CEP350: variants seen among roughly 807,000 people sequenced by gnomAD.
The protein encoded by CEP350 is centrosomal protein 350, also known as centrosome-associated protein 350.
Under a neutral mutation model 331.8 loss-of-function variants are expected in CEP350, and 126 were observed. The ratio of observed to expected loss-of-function variants is 0.38; its 90% CI spans 0.33 to 0.44. The LOEUF (loss-of-function observed/expected upper bound fraction) is 0.44, where lower values mean the gene tolerates loss of function less well. Among genes scored for constraint, CEP350 ranks in the 20% least tolerant of loss-of-function variants. CEP350 has a pLI of 1.00. For missense variants in CEP350, 3,406 were observed against 3,634.6 expected, an observed-to-expected ratio of 0.94 and a Z score of 1.62; for synonymous variants, 1,200 against 1,259.5, an observed-to-expected ratio of 0.95 and a Z score of 1.00.
At chr1:179,959,310 G>A (rs980993136) in intron 1 of CEP350, among the ~76,000 whole-genome samples, 7 of 152,206 alleles carry the variant, frequency 4.6e-5, no homozygotes, top group African/African-American at 1.7e-4. Context: ...ACGAAAACTA[G>A]CAAGGCGTGG....
chr1:180,023,625 T>G (rs1655481701), intron 13 of CEP350, among the ~76,000 whole-genome samples: 1 of 152,222 alleles, frequency 6.6e-6, no homozygotes, highest in African/African-American at 2.4e-5. Flanking sequence ...GGACTTTACC[T>G]GTATTAACTC....
rs1653193541 is a variant in CEP350 at position 179,992,861 on chromosome 1, CT to C, written c.395+642del. 2.0e-5 allele frequency among the ~76,000 whole-genome samples: 3 copies of C among 152,190 alleles called. No homozygotes were observed. In the South Asian group the frequency reaches 6.2e-4, roughly 32 times the overall value. On this transcript the variant is annotated intron_variant, in intron 5 of 37. Coordinates refer to ENST00000367607, the MANE Select transcript of CEP350 (RefSeq NM_014810.5). ...CTAATGATTTCAGTGCATTCATGCT[CT>C]TATAATAAGTAATAAACACTGGGCC...
At chr1:180,069,842 G>A (rs1216795751) in intron 27 of CEP350, among the ~76,000 whole-genome samples, 1 of 152,098 alleles carries the variant, frequency 6.6e-6, no homozygotes, top group Non-Finnish European at 1.5e-5. Context: ...AACCCAGAAG[G>A]AATAAAATGA....
chr1:179,977,667 T>C (rs1441857138), intron 1 of CEP350, among the ~76,000 whole-genome samples: 1 of 152,306 alleles, frequency 6.6e-6, no homozygotes, highest in East Asian at 1.9e-4. Context: ...TACTGAAGGC[T>C]TAGGACATTA....
chr1:180,012,058 AAAGAACTGCTAAATCTGGTAAGTAGCT>A lies in CEP350; in HGVS notation c.1378_1393+11del. The A allele has an allele frequency of 6.4e-7, 1 of 1,561,034 alleles. No homozygotes were observed. Among genetic ancestry groups the A allele is most frequent in the Non-Finnish European group, 8.7e-7 (1 of 1,153,346 alleles). ...GCATCAAGTGACAGAGGTGGAAGAG[AAAGAACTGCTAAATCTGGTAAGTAGCT>A]ATAATTAAAATAGTTGAGAAAACAA... is the stretch of plus-strand genomic sequence containing the variant. On this transcript the variant is annotated splice_donor_variant and splice_donor_5th_base_variant and coding_sequence_variant and intron_variant, in exon 9 of 38. Coordinates refer to ENST00000367607, the MANE Select transcript of CEP350 (RefSeq NM_014810.5). LOFTEE classifies it high-confidence loss of function.
At chr1:179,976,024 A>G (rs990279655) in intron 1 of CEP350, among the ~76,000 whole-genome samples, 2 of 152,178 alleles carry the variant, frequency 1.3e-5, no homozygotes, top group Non-Finnish European at 2.9e-5. Context: ...AACAGGAGAA[A>G]TATGTTTTAC....
chr1:180,103,923 T>C (rs1054811909), intron 37 of CEP350, among the ~76,000 whole-genome samples: 3 of 145,840 alleles, frequency 2.1e-5, no homozygotes, highest in Non-Finnish European at 3.0e-5. Context: ...ATTTATATTT[T>C]ATATACAAAT....
In CEP350 at chr1:180,077,770, G is replaced by C. The variant is rs908849801; in HGVS notation, c.5768-693G>C. ...TTAATTCTCCTTAAACTGATCTGTA[G>C]ATTCAAGACTATTTACATCAGAAAC... On this transcript the variant is annotated intron_variant, in intron 28 of 37. Transcript: ENST00000367607. Among the ~76,000 whole-genome samples the C allele has an allele frequency of 1.4e-3, 211 of 150,212 alleles. 2 individuals carry two copies. Among genetic ancestry groups the C allele is most frequent in the Non-Finnish European group, 1.5e-4 (10 of 67,672 alleles).
At chr1:179,995,769 T>C (rs1653416262) in intron 5 of CEP350, among the ~76,000 whole-genome samples, 1 of 152,222 alleles carries the variant, frequency 6.6e-6, no homozygotes, top group Non-Finnish European at 1.5e-5. Flanking sequence ...CTCCTGATTT[T>C]CTAGATACGC....
At chr1:180,102,425 C>T (rs953112178) in intron 37 of CEP350, among the ~76,000 whole-genome samples, 4 of 152,208 alleles carry the variant, frequency 2.6e-5, no homozygotes, top group East Asian at 1.9e-4. Context: ...CGGGAGCCAC[C>T]GCACCTGGCC....
intron 20 of CEP350, among the ~76,000 whole-genome samples, chr1:180,043,772 T>TTGTG (rs71118428): frequency 0.017 from 2,567 of 148,610 alleles, 27 homozygotes; most frequent in African/African-American, 0.026. Context: ...ATTACCATAT[T>TTGTG]TGTGTGTGTG....
At chr1:179,997,483 C>G (rs538800488) in intron 6 of CEP350, among the ~76,000 whole-genome samples, 2 of 148,958 alleles carry the variant, frequency 1.3e-5, no homozygotes, top group East Asian at 3.9e-4. Flanking sequence ...GCGGAGGTTA[C>G]ACTGAGCCGA....
At chr1:180,102,229 G>A (rs931711750) in intron 37 of CEP350, among the ~76,000 whole-genome samples, 1 of 151,068 alleles carries the variant, frequency 6.6e-6, no homozygotes, top group South Asian at 2.1e-4. Context: ...TCCGCCTCCC[G>A]GGTTCAAGCA....
chr1:179,967,663 G>A (rs112774756), intron 1 of CEP350, among the ~76,000 whole-genome samples: 2,537 of 152,090 alleles, frequency 0.017, 79 homozygotes, highest in African/African-American at 0.058. Flanking sequence ...CGCCCACCTC[G>A]GCCTCCCAAA....
intron 21 of CEP350, among the ~76,000 whole-genome samples, chr1:180,047,392 A>G (rs1168361779): frequency 6.6e-6 from 1 of 152,112 alleles, no homozygotes; most frequent in African/African-American, 2.4e-5. Flanking sequence ...TAATGATACA[A>G]ATTTGAGGCT....
At position 180,111,473 on chromosome 1, in the gene CEP350, T is replaced by G; in HGVS notation, c.*312T>G. On this transcript the variant is annotated 3_prime_UTR_variant, in exon 38 of 38. Coordinates refer to ENST00000367607, the MANE Select transcript of CEP350 (RefSeq NM_014810.5). Reference sequence around the variant, plus strand: ...ACCTGACTTACCTCTGAGTTTAGACTAGGGTATCACTTCTTTGAGTCTGAA... The same window carrying G: ...ACCTGACTTACCTCTGAGTTTAGACGAGGGTATCACTTCTTTGAGTCTGAA... The G allele has an allele frequency of 4.4e-6, 1 of 226,844 alleles. No homozygotes were observed. The highest frequency in any genetic ancestry group is 8.7e-6 in the Non-Finnish European group (1 of 115,158). The allele number at this position is 226,844 out of a possible 1,614,324, so 14.1% of individuals were successfully genotyped here.
chr1:179,959,605 C>T, intron 1 of CEP350, among the ~76,000 whole-genome samples: 1 of 151,962 alleles, frequency 6.6e-6, no homozygotes, highest in African/African-American at 2.4e-5. Context: ...AAGTAAAAAA[C>T]TAGCTGGGCA....
chr1:179,966,633 G>A (rs1249225919), intron 1 of CEP350, among the ~76,000 whole-genome samples: 1 of 152,002 alleles, frequency 6.6e-6, no homozygotes, highest in Non-Finnish European at 1.5e-5. Flanking sequence ...AGCTGAAATT[G>A]GTACCCCCTT....
In CEP350 at chr1:180,023,282, G is replaced by GA. The variant is rs147790621; in HGVS notation, c.3386+443dup. 6.6e-5 allele frequency among the ~76,000 whole-genome samples: 10 copies of GA among 150,788 alleles called. No homozygotes were observed. In the East Asian group the frequency reaches 1.2e-3, roughly 18 times the overall value. ...GCTGACCCTATCTCAAAAAAAGAAA[G>GA]AAAAAAAAATCACTTACTTAGAACA... is the stretch of plus-strand genomic sequence containing the variant. On this transcript the variant is annotated intron_variant, in intron 13 of 37. Transcript: ENST00000367607.
Sources: gnomAD v4.1 joint callset for allele counts (sites outside exome capture counted in the v4.1 genomes callset) on GRCh38, gnomAD v4.1.1 for gene constraint, MANE v1.5 for transcripts, NCBI Gene and HGNC (gene_info 2026-07-23, HGNC 2026-07-21) for gene names.